CYP2B6: variants seen among roughly 807,000 people sequenced by gnomAD.
The protein encoded by CYP2B6 is cytochrome P450 2B6.
In CYP2B6, 35 loss-of-function variants were observed where a neutral mutation model predicts 43.4. That is an observed-to-expected ratio of 0.81 (90% CI 0.62 to 1.07). The LOEUF is 1.07. Ranked by LOEUF, CYP2B6 falls within the 50% of genes least tolerant of loss-of-function variation. The pLI, the probability that CYP2B6 is intolerant of heterozygous loss-of-function variation, is 0.00. For missense variants in CYP2B6, 624 were observed against 632.8 expected, an observed-to-expected ratio of 0.99 and a Z score of 0.15; for synonymous variants, 239 against 239.2, an observed-to-expected ratio of 1.00 and a Z score of 0.01.
At position 41,016,888 on chromosome 19, in the gene CYP2B6, A is replaced by G; in HGVS notation, c.*61A>G. The G allele has an allele frequency of 1.9e-6, 3 of 1,561,476 alleles. No homozygotes were observed. The highest frequency in any genetic ancestry group is 2.6e-6 in the Non-Finnish European group (3 of 1,146,306). On this transcript the variant is annotated 3_prime_UTR_variant, in exon 9 of 9. Transcript: ENST00000324071. ...TCATTCAGTGTCCCCGCCTCTGTAGACAATGGCTCTGACTCCCCGCAACTT... is the reference window on the plus strand; with the variant it reads ...TCATTCAGTGTCCCCGCCTCTGTAGGCAATGGCTCTGACTCCCCGCAACTT...
At chr19:41,010,210 C>A (rs1969259413) in intron 6 of CYP2B6, 75 bp downstream of exon 6, 2 of 1,565,072 alleles carry the variant, frequency 1.3e-6, no homozygotes, top group South Asian at 1.1e-5. Context: ...ATGGGTACCA[C>A]CTGGATGAGA....
intron 5 of CYP2B6, chr19:41,009,785 T>C: frequency 8.0e-6 from 5 of 623,906 alleles, no homozygotes; most frequent in South Asian, 3.8e-5. Context: ...TGGAGAGAGA[T>C]AGAAACAGAG....
chr19:41,002,349 G>A (rs1969104998), intron 1 of CYP2B6, among the ~76,000 whole-genome samples: 1 of 152,090 alleles, frequency 6.6e-6, no homozygotes, highest in Admixed American at 6.6e-5. Context: ...TTTATGTCAA[G>A]TTTTTATTGA....
At chr19:41,000,996 A>G (rs1413430296) in intron 1 of CYP2B6, among the ~76,000 whole-genome samples, 1 of 152,040 alleles carries the variant, frequency 6.6e-6, no homozygotes, top group Non-Finnish European at 1.5e-5. Context: ...CTGAGATTGC[A>G]TCATTGCACT....
At chr19:41,009,927 T>C (rs1380394963) in intron 5 of CYP2B6, 67 bp from the exon 6 acceptor site, 40 of 1,603,218 alleles carry the variant, frequency 2.5e-5, no homozygotes, top group East Asian at 4.5e-5. Flanking sequence ...GCCAGGGAGA[T>C]GGGCGTATAC....
At chr19:41,013,550 T>C (rs1320993329) in intron 8 of CYP2B6, among the ~76,000 whole-genome samples, 1 of 152,102 alleles carries the variant, frequency 6.6e-6, no homozygotes, top group Non-Finnish European at 1.5e-5. Context: ...ATTGAGAACC[T>C]ATAGGAAGTC....
Position 41,006,887 on chromosome 19 carries a change from C to T in CYP2B6, c.485-18C>T, listed in dbSNP as rs4803419. 0.31 allele frequency: 494,147 copies of T among 1,609,112 alleles called. 79,698 individuals are homozygous for T. The highest frequency in any genetic ancestry group is 0.45 in the East Asian group (20,238 of 44,814). ...CAGGCACTTCAGTCTGTGTCCTTGA[C>T]CTGCTGCTTCTTCCTAGGGGCCCTC... On this transcript the variant is annotated intron_variant, in intron 3 of 8. Transcript: ENST00000324071.
chr19:40,994,670 A>G (rs1437670918), intron 1 of CYP2B6, among the ~76,000 whole-genome samples: 1 of 152,042 alleles, frequency 6.6e-6, no homozygotes, highest in African/African-American at 2.4e-5. Context: ...GCAATTGCCC[A>G]CACCCCCATA....
Position 41,012,320 on chromosome 19 carries a change from A to G in CYP2B6, c.987A>G (p.Glu329=). Residue 329 remains glutamate (E), a synonymous_variant, in exon 7 of 9, where the codon GAA becomes GAG. Coordinates refer to ENST00000324071, the MANE Select transcript of CYP2B6 (RefSeq NM_000767.5). ...HVAERVYREI[E]QVIGPHRPPE... is the part of the protein sequence containing the mutation. ...CAGAGAGAGTCTACAGGGAGATTGA[A>G]CAGGTGATTGGCCCACATCGCCCTC... 6.2e-7 allele frequency: 1 copy of G among 1,614,162 alleles called. No homozygotes were observed. Among genetic ancestry groups the G allele is most frequent in the Non-Finnish European group, 8.5e-7 (1 of 1,180,010 alleles).
rs376096174 is a variant in CYP2B6, at chr19:41,007,050, C to G, written c.630C>G (p.Ser210Arg). ...TCTACCAGACTTTTTCACTCATCAG[C>G]TCTGTATTCGGCCAGGTCAGGGAGA... is the stretch of plus-strand genomic sequence containing the variant. ...NLFYQTFSLI[S>R]SVFGQLFELF... Residue 210 changes from serine (S) to arginine (R), a missense_variant, in exon 4 of 9, where the codon AGC becomes AGG. Transcript: ENST00000324071. 1.9e-6 allele frequency: 3 copies of G among 1,614,094 alleles called. No homozygotes were observed. The highest frequency in any genetic ancestry group is 4.5e-5 in the East Asian group (2 of 44,878).
intron 1 of CYP2B6, among the ~76,000 whole-genome samples, chr19:40,993,138 T>A (rs2144656088): frequency 6.6e-6 from 1 of 152,298 alleles, no homozygotes; most frequent in South Asian, 2.1e-4. Flanking sequence ...GAGCTTGCTA[T>A]AAAATAACTT....
chr19:41,010,162 G>A (rs751844933), intron 6 of CYP2B6, 27 bp downstream of exon 6: 2 of 1,611,772 alleles, frequency 1.2e-6, no homozygotes, highest in Middle Eastern at 2.2e-4. Flanking sequence ...CAGTCAAGGG[G>A]GTCTTCTGAC....
At chr19:41,016,313 T>C (rs1251666138) in intron 8 of CYP2B6, among the ~76,000 whole-genome samples, 1 of 143,966 alleles carries the variant, frequency 6.9e-6, no homozygotes, top group African/African-American at 2.6e-5. Flanking sequence ...ACAAGAATCA[T>C]TTGAACCACC....
intron 1 of CYP2B6, among the ~76,000 whole-genome samples, chr19:40,999,459 C>T (rs932471036): frequency 6.6e-6 from 1 of 151,994 alleles, no homozygotes; most frequent in African/African-American, 2.4e-5. Context: ...TCTTTTGTTG[C>T]CATTGGTTTT....
rs1456688030 is a variant in CYP2B6, at chr19:41,007,205, A to C, written c.645+140A>C. 5.9e-6 allele frequency: 5 copies of C among 848,282 alleles called. No homozygotes were observed. The African/African-American group carries it at 6.7e-5, about 11-fold the overall frequency. The allele number at this position is 848,282 out of a possible 1,614,324, so 52.5% of individuals were successfully genotyped here. A position where few individuals can be genotyped will look rare whatever the true frequency, so the allele number is the denominator to read the frequency against. On this transcript the variant is annotated intron_variant, in intron 4 of 8. Coordinates refer to ENST00000324071, the MANE Select transcript of CYP2B6 (RefSeq NM_000767.5). ...CGCAGACATGTGAAGAATCAGGGAC[A>C]TGGAGACCTGGAGGGAGGAGAGACG...
In CYP2B6 at chr19:41,017,502, C is replaced by T. The variant is rs1969389298; in HGVS notation, c.*675C>T. The T allele has an allele frequency of 6.6e-6, 1 of 152,106 alleles. No individual in the cohort carries two copies. Among genetic ancestry groups the T allele is most frequent in the African/African-American group, 2.4e-5 (1 of 41,404 alleles). The allele number at this position is 152,106 out of a possible 1,614,324, so 9.4% of individuals were successfully genotyped here. A position where few individuals can be genotyped will look rare whatever the true frequency, so the allele number is the denominator to read the frequency against. ...TCTTTTTTTCTGAGATGGAGTCTCA[C>T]TCTGTCACCCAGGTTCGAGTTCAGT... On this transcript the variant is annotated 3_prime_UTR_variant, in exon 9 of 9. Coordinates refer to ENST00000324071, the MANE Select transcript of CYP2B6 (RefSeq NM_000767.5).
Position 40,996,671 on chromosome 19 carries a change from C to G in CYP2B6, c.171+5195C>G, listed in dbSNP as rs192135895. Among the ~76,000 whole-genome samples the G allele has an allele frequency of 9.4e-4, 143 of 152,190 alleles. 3 individuals carry two copies. Among genetic ancestry groups the G allele is most frequent in the African/African-American group, 3.3e-3 (136 of 41,492 alleles). The stretch of plus-strand genomic sequence containing the variant: ...TTTTTCACTGTTTGGATCATTTTCT[C>G]TCTTCTATGATGAGTCATGGAATAC... On this transcript the variant is annotated intron_variant, in intron 1 of 8. Coordinates refer to ENST00000324071, the MANE Select transcript of CYP2B6 (RefSeq NM_000767.5).
intron 1 of CYP2B6, among the ~76,000 whole-genome samples, chr19:41,003,085 C>T (rs1304369954): frequency 6.6e-6 from 1 of 151,986 alleles, no homozygotes; most frequent in African/African-American, 2.4e-5. Flanking sequence ...TTTTGGTGAA[C>T]ACACATACAC....
At chr19:41,011,298 A>T (rs1205916061) in intron 6 of CYP2B6, among the ~76,000 whole-genome samples, 1 of 151,956 alleles carries the variant, frequency 6.6e-6, no homozygotes, top group Non-Finnish European at 1.5e-5. Context: ...CCTTTCATTT[A>T]CTCCTTTATT....
Sources: gnomAD v4.1 joint callset for allele counts (sites outside exome capture counted in the v4.1 genomes callset) on GRCh38, gnomAD v4.1.1 for gene constraint, MANE v1.5 for transcripts, NCBI Gene and HGNC (gene_info 2026-07-23, HGNC 2026-07-21) for gene names.